The following PIK3C2G variants were observed in gnomAD, a reference collection of about 807,000 sequenced individuals.
PIK3C2G encodes the protein phosphatidylinositol 3-kinase C2 domain-containing subunit gamma.
PIK3C2G carries 168 observed loss-of-function variants against 181.1 expected under a neutral mutation model. The observed-to-expected ratio is 0.93, with a 90% CI of 0.82 to 1.05. The LOEUF (loss-of-function observed/expected upper bound fraction) is 1.05, where lower values mean the gene tolerates loss of function less well. Ranked by LOEUF, PIK3C2G falls within the 50% of genes least tolerant of loss-of-function variation. The pLI, the probability that PIK3C2G is intolerant of heterozygous loss-of-function variation, is 0.00. For synonymous variants in PIK3C2G, 573 were observed against 592.2 expected, an observed-to-expected ratio of 0.97 and a Z score of 0.47; for missense variants, 1,869 against 1,732.8, an observed-to-expected ratio of 1.08 and a Z score of -1.40.
At chr12:18,509,327 C>T (rs1450056950) in intron 24 of PIK3C2G, among the ~76,000 whole-genome samples, 10 of 152,298 alleles carry the variant, frequency 6.6e-5, no homozygotes, top group African/African-American at 1.9e-4. Context: ...AGATTACAGG[C>T]GTGAGCCACT....
At position 18,505,451 on chromosome 12, in the gene PIK3C2G, G is replaced by A; in HGVS notation, c.3313G>A (p.Gly1105Arg). The A allele has an allele frequency of 5.0e-6, 8 of 1,611,836 alleles. No homozygotes were observed. The highest frequency in any genetic ancestry group is 5.9e-6 in the Non-Finnish European group (7 of 1,178,656). Residue 1105 changes from glycine (G) to arginine (R), a missense_variant, in exon 24 of 33, where the codon GGG (glycine) becomes AGG (arginine). Gly to Arg is a moderately radical substitution (Grantham distance 125). Coordinates refer to ENST00000538779, the MANE Select transcript of PIK3C2G (RefSeq NM_001288772.2). The stretch of plus-strand genomic sequence containing the variant: ...CTTAGGTCATGCACAAACATTTGGA[G>A]GGATAAAAAGGTCAGTGCACAAATG... ...KFLGHAQTFGGIKRDRAPFIF... is the reference protein window; with the variant it reads ...KFLGHAQTFGRIKRDRAPFIF...
chr12:18,555,064 T>G (rs1021606225), intron 26 of PIK3C2G, among the ~76,000 whole-genome samples: 1 of 151,630 alleles, frequency 6.6e-6, no homozygotes, highest in African/African-American at 2.4e-5. Context: ...AAATAAAGAA[T>G]GTTCTCATGC....
intron 8 of PIK3C2G, among the ~76,000 whole-genome samples, chr12:18,332,607 A>G (rs1938094169): frequency 6.6e-6 from 1 of 152,028 alleles, no homozygotes; most frequent in Non-Finnish European, 1.5e-5. Context: ...CCCAGAAGCA[A>G]AGGCCTTTTG....
chr12:18,565,676 G>A (rs866579417), intron 28 of PIK3C2G, among the ~76,000 whole-genome samples: 3 of 152,208 alleles, frequency 2.0e-5, no homozygotes, highest in Middle Eastern at 3.4e-3. Flanking sequence ...CATATAACTC[G>A]AAGAAGTTTC....
At chr12:18,590,920 T>C (rs769493470) in intron 29 of PIK3C2G, among the ~76,000 whole-genome samples, 31 of 151,872 alleles carry the variant, frequency 2.0e-4, no homozygotes, top group Non-Finnish European at 4.0e-4. Context: ...AAGGGAATAA[T>C]TAGCTAGTAG....
chr12:18,399,392 A>C (rs1592159264), intron 15 of PIK3C2G, among the ~76,000 whole-genome samples: 1 of 151,730 alleles, frequency 6.6e-6, no homozygotes, highest in Non-Finnish European at 1.5e-5. Context: ...AAAAAAAAAA[A>C]CACGAATAAG....
At chr12:18,248,728 A>G (rs565565812) in intron 1 of PIK3C2G, among the ~76,000 whole-genome samples, 56 of 152,256 alleles carry the variant, frequency 3.7e-4, no homozygotes, top group Admixed American at 1.6e-3. Flanking sequence ...TGGGTATGCC[A>G]TGCTCTTGTC....
intron 1 of PIK3C2G, among the ~76,000 whole-genome samples, chr12:18,281,306 G>A (rs1949207909): frequency 8.8e-6 from 1 of 113,522 alleles, no homozygotes; most frequent in Non-Finnish European, 2.0e-5. Flanking sequence ...TTGAGAAAGA[G>A]CAAACACAGA....
intron 22 of PIK3C2G, among the ~76,000 whole-genome samples, chr12:18,501,208 G>C (rs1262883239): frequency 6.6e-6 from 1 of 152,198 alleles, no homozygotes; most frequent in Non-Finnish European, 1.5e-5. Context: ...AAAGGAAAGA[G>C]GTTAAATGGC....
At chr12:18,684,294 A>T in the PIK3C2G span, 1 of 1,588,528 alleles carries the variant, frequency 6.3e-7, no homozygotes, top group South Asian at 1.1e-5. Context: ...AATATAAAAA[A>T]AGAAGATACA....
chr12:18,546,866 A>AT (rs1944457597), intron 26 of PIK3C2G, among the ~76,000 whole-genome samples: 1 of 152,006 alleles, frequency 6.6e-6, no homozygotes, highest in African/African-American at 2.4e-5. Flanking sequence ...CTTTTAATCT[A>AT]TTTTTTATTA....
At chr12:18,290,675 A>G (rs1949653728) in intron 3 of PIK3C2G, among the ~76,000 whole-genome samples, 180 bp from the exon 4 acceptor site, 1 of 152,180 alleles carries the variant, frequency 6.6e-6, no homozygotes, top group Non-Finnish European at 1.5e-5. Flanking sequence ...TGCAATCTCT[A>G]CCAATCTGGA....
chr12:18,386,054 T>C (rs555747731), intron 14 of PIK3C2G, among the ~76,000 whole-genome samples: 1 of 152,062 alleles, frequency 6.6e-6, no homozygotes, highest in African/African-American at 2.4e-5. Context: ...TCAAAGAGAC[T>C]GAACTTTCTC....
At chr12:18,636,994 G>C (rs1949632261) in intron 31 of PIK3C2G, among the ~76,000 whole-genome samples, 1 of 152,140 alleles carries the variant, frequency 6.6e-6, no homozygotes, top group South Asian at 2.1e-4. Flanking sequence ...CCATAGGATG[G>C]TTTGAGAATC....
intron 8 of PIK3C2G, among the ~76,000 whole-genome samples, chr12:18,328,058 G>T (rs1376180101): frequency 6.6e-6 from 1 of 151,914 alleles, no homozygotes; most frequent in African/African-American, 2.4e-5. Flanking sequence ...ATCATGGTAG[G>T]AAGTCCCTAC....
At chr12:18,457,013 CA>C (rs201603196) in intron 18 of PIK3C2G, among the ~76,000 whole-genome samples, 6 of 151,208 alleles carry the variant, frequency 4.0e-5, no homozygotes, top group East Asian at 1.9e-4. Context: ...TTGAAACCAT[CA>C]AAAAAAATGG....
At chr12:18,271,654 G>T in intron 1 of PIK3C2G, among the ~76,000 whole-genome samples, 2 of 151,798 alleles carry the variant, frequency 1.3e-5, no homozygotes, top group East Asian at 1.9e-4. Flanking sequence ...TTTCTTTTTG[G>T]GGTCAATCCA....
chr12:18,410,840 TG>T (rs1345016371), intron 16 of PIK3C2G, among the ~76,000 whole-genome samples: 1 of 152,204 alleles, frequency 6.6e-6, no homozygotes, highest in Non-Finnish European at 1.5e-5. Context: ...AGTACACTAC[TG>T]GCTTTATGAC....
At chr12:18,329,418 G>A (rs568193803) in intron 8 of PIK3C2G, among the ~76,000 whole-genome samples, 1 of 152,004 alleles carries the variant, frequency 6.6e-6, no homozygotes, top group South Asian at 2.1e-4. Context: ...CCTATTTGAT[G>A]AAAAGGATTT....
Sources: allele counts gnomAD v4.1 joint callset (sites outside exome capture counted in the v4.1 genomes callset), GRCh38; gene constraint gnomAD v4.1.1; transcripts MANE v1.5; gene names NCBI Gene and HGNC (gene_info 2026-07-23, HGNC 2026-07-21).